The following WWOX variants were observed in gnomAD, a reference collection of about 807,000 sequenced individuals.
WWOX encodes WW domain containing oxidoreductase.
Under a neutral mutation model 46.2 loss-of-function variants are expected in WWOX, and 69 were observed. The ratio of observed to expected loss-of-function variants is 1.49; its 90% CI spans 1.23 to 1.82. WWOX has a LOEUF of 1.82. Among genes scored for constraint, WWOX ranks in the 40% most tolerant of loss-of-function variants. The pLI, the probability that WWOX is intolerant of heterozygous loss-of-function variation, is 0.00. For missense variants in WWOX, 919 were observed against 542.6 expected, an observed-to-expected ratio of 1.69 and a Z score of -6.89; for synonymous variants, 359 against 202.6, an observed-to-expected ratio of 1.77 and a Z score of -6.56.
chr16:78,687,539 T>A (rs1424400329), intron 8 of WWOX, among the ~76,000 whole-genome samples: 1 of 152,188 alleles, frequency 6.6e-6, no homozygotes, highest in Non-Finnish European at 1.5e-5. Flanking sequence ...TTCTATGTTT[T>A]ATCGGAATAC....
intron 8 of WWOX, among the ~76,000 whole-genome samples, chr16:78,487,946 C>G (rs964274779): frequency 6.6e-6 from 1 of 152,130 alleles, no homozygotes; most frequent in Admixed American, 6.6e-5. Flanking sequence ...GTATTTCTAC[C>G]CTAGGATCAT....
chr16:78,506,037 C>G (rs2085194915), intron 8 of WWOX, among the ~76,000 whole-genome samples: 1 of 152,234 alleles, frequency 6.6e-6, no homozygotes, highest in Non-Finnish European at 1.5e-5. Flanking sequence ...CCTTGCACCC[C>G]TGGATCTTCT....
chr16:78,351,499 GC>G (rs1437027981), intron 5 of WWOX, among the ~76,000 whole-genome samples: 6 of 152,162 alleles, frequency 3.9e-5, no homozygotes, highest in Admixed American at 6.5e-5. Context: ...GGGGTGGTCT[GC>G]CCCTGTGCAG....
At chr16:78,396,881 C>T (rs1567547972) in intron 6 of WWOX, among the ~76,000 whole-genome samples, 2 of 152,176 alleles carry the variant, frequency 1.3e-5, no homozygotes, top group Admixed American at 6.5e-5. Context: ...ACTTTATTTA[C>T]AAAGAACAGG....
chr16:78,869,480 C>T (rs1049790518), intron 8 of WWOX, among the ~76,000 whole-genome samples: 3 of 152,236 alleles, frequency 2.0e-5, no homozygotes, highest in Admixed American at 6.5e-5. Context: ...CCCTCCCTCC[C>T]AGCTCATCCG....
intron 8 of WWOX, among the ~76,000 whole-genome samples, chr16:78,581,209 T>C (rs1044032638): frequency 2.6e-5 from 4 of 152,218 alleles, no homozygotes; most frequent in African/African-American, 4.8e-5. Context: ...AAGTTACATA[T>C]GGTCCTTTGA....
At chr16:79,048,150 G>A (rs2048100404) in intron 8 of WWOX, among the ~76,000 whole-genome samples, 1 of 152,176 alleles carries the variant, frequency 6.6e-6, no homozygotes, top group South Asian at 2.1e-4. Context: ...ATGGAGCATG[G>A]AGAAGCTTCC....
intron 8 of WWOX, among the ~76,000 whole-genome samples, chr16:79,091,034 C>G (rs531090799): frequency 8.0e-4 from 122 of 152,192 alleles, no homozygotes; most frequent in African/African-American, 2.7e-3. Context: ...GTGATCCACC[C>G]ACATCGGCCT....
intron 8 of WWOX, among the ~76,000 whole-genome samples, chr16:78,742,748 ATCGTGTGAGTT>A (rs2049259699): frequency 6.6e-6 from 1 of 152,074 alleles, no homozygotes; most frequent in African/African-American, 2.4e-5. Flanking sequence ...ACTTTGGTTT[ATCGTGTGAGTT>A]TCCATCCATC....
At chr16:78,160,470 A>G (rs1460094587) in intron 4 of WWOX, among the ~76,000 whole-genome samples, 1 of 152,162 alleles carries the variant, frequency 6.6e-6, no homozygotes, top group East Asian at 1.9e-4. Flanking sequence ...TCTTTTAACC[A>G]TGGCTTTAGC....
chr16:78,656,750 C>G lies in WWOX; in HGVS notation c.1056+223998C>G, dbSNP rs530960005. Among the ~76,000 whole-genome samples, 452 of 152,290 alleles carry G rather than the reference C, an allele frequency of 3.0e-3. 2 individuals are homozygous for G. The highest frequency in any genetic ancestry group is 0.011 in the African/African-American group (442 of 41,564). On this transcript the variant is annotated intron_variant, in intron 8 of 8. Coordinates refer to ENST00000566780, the MANE Select transcript of WWOX (RefSeq NM_016373.4). ...AGCACATCCTCGTGGATCTTCCTGG[C>G]TCTCCTTACAAGGGGTTCCTTCCAA...
chr16:78,533,480 G>A (rs12444218), intron 8 of WWOX, among the ~76,000 whole-genome samples: 1 of 152,032 alleles, frequency 6.6e-6, no homozygotes, highest in African/African-American at 2.4e-5. Flanking sequence ...TGTTGGGCCA[G>A]ATTCAAAGTT....
chr16:78,447,489 G>A (rs953507776), intron 8 of WWOX, among the ~76,000 whole-genome samples: 2 of 152,176 alleles, frequency 1.3e-5, no homozygotes, highest in African/African-American at 4.8e-5. Context: ...GACAGGGATG[G>A]AATTGAATCT....
intron 8 of WWOX, among the ~76,000 whole-genome samples, chr16:78,797,691 C>A (rs540867240): frequency 6.6e-6 from 1 of 152,156 alleles, no homozygotes; most frequent in Non-Finnish European, 1.5e-5. Flanking sequence ...AATCTCCAGG[C>A]AAAAATCCAC....
At chr16:79,200,317 C>T (rs920977039) in intron 8 of WWOX, among the ~76,000 whole-genome samples, 16 of 152,138 alleles carry the variant, frequency 1.1e-4, no homozygotes, top group Non-Finnish European at 1.9e-4. Flanking sequence ...ATAAGTATCC[C>T]GCTCTCAGAT....
intron 8 of WWOX, among the ~76,000 whole-genome samples, chr16:78,544,704 ATC>A (rs1313655832): frequency 1.3e-5 from 2 of 151,152 alleles, no homozygotes; most frequent in Non-Finnish European, 2.9e-5. Context: ...CAGACCATCC[ATC>A]TCTACAAAAA....
chr16:78,826,933 A>T (rs1234344855), intron 8 of WWOX, among the ~76,000 whole-genome samples: 2 of 152,178 alleles, frequency 1.3e-5, no homozygotes, highest in African/African-American at 4.8e-5. Context: ...GCCGGACACC[A>T]AGCTATTACA....
chr16:78,193,938 CGTG>C (rs2035965429), intron 5 of WWOX, among the ~76,000 whole-genome samples: 3 of 150,804 alleles, frequency 2.0e-5, no homozygotes, highest in African/African-American at 7.3e-5. Flanking sequence ...AGTGCAGTGG[CGTG>C]ATCTCGGCTC....
intron 5 of WWOX, among the ~76,000 whole-genome samples, chr16:78,276,440 C>A (rs144555297): frequency 6.6e-6 from 1 of 152,176 alleles, no homozygotes. Context: ...GTGTCCACAG[C>A]GATGTCAAGG....
Sources: allele counts gnomAD v4.1 joint callset (sites outside exome capture counted in the v4.1 genomes callset), GRCh38; gene constraint gnomAD v4.1.1; transcripts MANE v1.5; gene names NCBI Gene and HGNC (gene_info 2026-07-23, HGNC 2026-07-21).